Variants in WDR25 observed in about 807,000 individuals in gnomAD.
WDR25 encodes WD repeat domain 25, also known as WD repeat-containing protein 25.
A neutral mutation model predicts 47.7 loss-of-function variants in WDR25; 35 were observed. The observed-to-expected ratio is 0.73, with a 90% CI of 0.56 to 0.97. The LOEUF (loss-of-function observed/expected upper bound fraction) is 0.97, where lower values mean the gene tolerates loss of function less well. Ranked by LOEUF, WDR25 falls within the 50% of genes least tolerant of loss-of-function variation. The pLI, the probability that WDR25 is intolerant of heterozygous loss-of-function variation, is 0.00. For missense variants in WDR25, 634 were observed against 704.7 expected, an observed-to-expected ratio of 0.90 and a Z score of 1.14; for synonymous variants, 248 against 278.9, an observed-to-expected ratio of 0.89 and a Z score of 1.10.
At chr14:100,405,886 A>G (rs1897522737) in intron 2 of WDR25, among the ~76,000 whole-genome samples, 1 of 152,182 alleles carries the variant, frequency 6.6e-6, no homozygotes, top group South Asian at 2.1e-4. Flanking sequence ...ATTTGGAGAC[A>G]GGGCCAGGCT....
chr14:100,450,666 A>G (rs556592779), intron 2 of WDR25, among the ~76,000 whole-genome samples: 11 of 152,382 alleles, frequency 7.2e-5, no homozygotes, highest in African/African-American at 2.6e-4. Context: ...TGAGGGGCAC[A>G]TGAATGTGGA....
intron 1 of WDR25, among the ~76,000 whole-genome samples, chr14:100,377,103 G>A (rs1177016540): frequency 1.3e-5 from 2 of 152,218 alleles, no homozygotes; most frequent in African/African-American, 4.8e-5. Context: ...CGGGCACCCT[G>A]GTGGTGGGAA....
intron 2 of WDR25, among the ~76,000 whole-genome samples, chr14:100,408,573 C>T (rs990826055): frequency 1.6e-4 from 24 of 151,866 alleles, no homozygotes; most frequent in African/African-American, 5.3e-4. Context: ...AAGGCTAGGA[C>T]GAACTGTGGG....
chr14:100,507,642 G>A (rs924158115), intron 4 of WDR25, among the ~76,000 whole-genome samples: 6 of 150,598 alleles, frequency 4.0e-5, no homozygotes, highest in African/African-American at 1.2e-4. Context: ...TGTATTCCTA[G>A]GTATTTGTGT....
In WDR25 at chr14:100,472,338, C is replaced by T. The variant is rs545720195; in HGVS notation, c.970+4170C>T. Among the ~76,000 whole-genome samples, 88 of 152,338 alleles carry T rather than the reference C, an allele frequency of 5.8e-4. No individual in the cohort carries two copies. In the Middle Eastern group the frequency reaches 0.014, roughly 24 times the overall value. ...TACCTCCCAGATCCTGGAGGCAGCACGCGTGAGAGGGCACATAGACAGGGT... is the reference window on the plus strand; with the variant it reads ...TACCTCCCAGATCCTGGAGGCAGCATGCGTGAGAGGGCACATAGACAGGGT... On this transcript the variant is annotated intron_variant, in intron 3 of 6. Coordinates refer to ENST00000402312, the MANE Select transcript of WDR25 (RefSeq NM_001161476.3).
chr14:100,453,091 G>A (rs1346993419), intron 2 of WDR25, among the ~76,000 whole-genome samples: 1 of 152,156 alleles, frequency 6.6e-6, no homozygotes, highest in Non-Finnish European at 1.5e-5. Flanking sequence ...GAGGACCTCA[G>A]CACTTTGGAC....
In WDR25 at chr14:100,449,885, A is replaced by G. The variant is rs191405592; in HGVS notation, c.823-18136A>G. On this transcript the variant is annotated intron_variant, in intron 2 of 6. Coordinates refer to ENST00000402312, the MANE Select transcript of WDR25 (RefSeq NM_001161476.3). The surrounding 1 kb of genome is among the most constrained non-coding windows in gnomAD (Gnocchi z 4.2). ...GTCTCCTGCTGTTACGCCATGTGCC[A>G]CGACACCCTGCCTTCTCCCCTGCTC... Among the ~76,000 whole-genome samples, 5 of 152,216 alleles carry G rather than the reference A, an allele frequency of 3.3e-5. No homozygotes were observed. Among genetic ancestry groups the G allele is most frequent in the African/African-American group, 1.2e-4 (5 of 41,528 alleles).
At chr14:100,504,404 G>C (rs1901044531) in intron 4 of WDR25, 1 of 151,944 alleles carries the variant, frequency 6.6e-6, no homozygotes, top group African/African-American at 2.4e-5. Context: ...TATTTTTCCT[G>C]TATCTTTCTT....
rs568626593 is a variant in WDR25 at position 100,409,319 on chromosome 14, C to T, written c.822+27573C>T. ...TGGTAGCTTAGGGCTGGTCTTCATG[C>T]GTTGTAGGCCTGCATTGCCTTTTAG... On this transcript the variant is annotated intron_variant, in intron 2 of 6. Coordinates refer to ENST00000402312, the MANE Select transcript of WDR25 (RefSeq NM_001161476.3). Among the ~76,000 whole-genome samples the T allele has an allele frequency of 5.9e-5, 9 of 152,290 alleles. No individual in the cohort carries two copies. The East Asian group carries it at 1.4e-3, about 23-fold the overall frequency.
At chr14:100,497,190 C>T (rs1595147862) in intron 4 of WDR25, among the ~76,000 whole-genome samples, 1 of 152,124 alleles carries the variant, frequency 6.6e-6, no homozygotes, top group African/African-American at 2.4e-5. Flanking sequence ...TCCATATGCT[C>T]CGTGCATTTT....
intron 2 of WDR25, among the ~76,000 whole-genome samples, chr14:100,435,665 G>GTTCATTCATTCATTCA (rs10681858): frequency 4.6e-5 from 7 of 151,934 alleles, no homozygotes; most frequent in African/African-American, 1.7e-4. Context: ...TCAATCATTC[G>GTTCATTCATTCATTCA]TTCATTCATT....
At chr14:100,403,620 G>T (rs931840350) in intron 2 of WDR25, among the ~76,000 whole-genome samples, 4 of 152,204 alleles carry the variant, frequency 2.6e-5, no homozygotes, top group African/African-American at 7.2e-5. Context: ...AGCAACTCTG[G>T]TTCCTTTGAA....
intron 2 of WDR25, among the ~76,000 whole-genome samples, chr14:100,419,064 CA>C (rs944862835): frequency 4.0e-5 from 6 of 151,242 alleles, no homozygotes; most frequent in Non-Finnish European, 3.0e-5. Flanking sequence ...ACTAAAAATA[CA>C]AAAAAAATTA....
At chr14:100,522,689 C>T (rs1413638042) in intron 4 of WDR25, among the ~76,000 whole-genome samples, 6 of 152,182 alleles carry the variant, frequency 3.9e-5, no homozygotes, top group African/African-American at 1.4e-4. Flanking sequence ...CTGTTGTTAC[C>T]CCTACTTTAC....
intron 2 of WDR25, among the ~76,000 whole-genome samples, chr14:100,467,341 C>T (rs1566924211): frequency 6.6e-6 from 1 of 151,980 alleles, no homozygotes. Context: ...GATAAGATGC[C>T]AGGGATGCAG....
At chr14:100,441,271 C>G (rs1898660346) in intron 2 of WDR25, among the ~76,000 whole-genome samples, 1 of 152,100 alleles carries the variant, frequency 6.6e-6, no homozygotes, top group Admixed American at 6.6e-5. Flanking sequence ...GGCGCTGTCT[C>G]CTTGAAGGGT....
At chr14:100,483,917 G>A in intron 3 of WDR25, 77 bp from the exon 4 acceptor site, 1 of 1,518,422 alleles carries the variant, frequency 6.6e-7, no homozygotes, top group Non-Finnish European at 8.8e-7. Context: ...CCCCATACCA[G>A]ATGGCATCTT....
intron 1 of WDR25, among the ~76,000 whole-genome samples, chr14:100,379,173 G>A (rs1032884142): frequency 3.3e-5 from 5 of 152,026 alleles, no homozygotes; most frequent in African/African-American, 4.8e-5. Context: ...TAAGCAGTGC[G>A]GCAGGTTTTC....
intron 1 of WDR25, among the ~76,000 whole-genome samples, chr14:100,379,941 T>G (rs2140133644): frequency 6.7e-6 from 1 of 150,368 alleles, no homozygotes; most frequent in East Asian, 2.0e-4. Flanking sequence ...GGGGTTTCAC[T>G]ATGTTGGCCA....
Sources: gnomAD v4.1 joint callset for allele counts (sites outside exome capture counted in the v4.1 genomes callset) on GRCh38, gnomAD v4.1.1 for gene constraint, Gnocchi (gnomAD v3.1) non-coding constraint, MANE v1.5 for transcripts, NCBI Gene and HGNC (gene_info 2026-07-23, HGNC 2026-07-21) for gene names.